SRGAP1: variants seen among roughly 807,000 people sequenced by gnomAD.
SRGAP1 encodes SLIT-ROBO Rho GTPase-activating protein 1.
SRGAP1 carries 43 observed loss-of-function variants against 121.9 expected under a neutral mutation model. That is an observed-to-expected ratio of 0.35 (90% CI 0.28 to 0.46). The LOEUF (loss-of-function observed/expected upper bound fraction) is 0.46, where lower values mean the gene tolerates loss of function less well. SRGAP1 is among the 20% of genes least tolerant of loss of function. SRGAP1 has a pLI of 1.00. For missense variants in SRGAP1, 1,102 were observed against 1,350.9 expected (o/e 0.82, Z 2.89); for synonymous variants, 447 against 485.4 (o/e 0.92, Z 1.04).
chr12:63,851,798 C>T (rs978918431), intron 1 of SRGAP1, among the ~76,000 whole-genome samples: 1 of 151,902 alleles, frequency 6.6e-6, no homozygotes, highest in Non-Finnish European at 1.5e-5. Flanking sequence ...AACTCCTGAC[C>T]TCAAGCAATC....
At chr12:63,918,966 A>G (rs967720451) in intron 1 of SRGAP1, among the ~76,000 whole-genome samples, 6 of 151,852 alleles carry the variant, frequency 4.0e-5, no homozygotes, top group Admixed American at 1.3e-4. Context: ...GACGTGTGCT[A>G]TAAAGACAAA....
chr12:64,111,763 C>T lies in SRGAP1; in HGVS notation c.1921C>T (p.Leu641=). Residue 641 remains leucine, a splice_region_variant and synonymous_variant, in exon 17 of 22, where the codon CTA becomes TTA. Coordinates refer to ENST00000355086, the MANE Select transcript of SRGAP1 (RefSeq NM_020762.4). The part of the protein sequence containing the change: ...MRYLFAFLNH[L]SQYSDENMMD... The stretch of plus-strand genomic sequence containing the variant: ...CTCCTTTCTTGTTTCCTTTTGTAGT[C>T]TATCACAGTACAGCGATGAGAATAT... 1 of 1,594,474 alleles carries T rather than the reference C, an allele frequency of 6.3e-7. No individual in the cohort carries two copies. The highest frequency in any genetic ancestry group is 8.6e-7 in the Non-Finnish European group (1 of 1,166,366).
chr12:63,952,496 T>G (rs957698229), intron 1 of SRGAP1, among the ~76,000 whole-genome samples: 4 of 151,902 alleles, frequency 2.6e-5, no homozygotes, highest in African/African-American at 9.7e-5. Flanking sequence ...GCCCAGGCAA[T>G]AGAGTAAGAC....
At chr12:64,109,755 C>T (rs1018732547) in intron 16 of SRGAP1, among the ~76,000 whole-genome samples, 2 of 152,188 alleles carry the variant, frequency 1.3e-5, no homozygotes, top group African/African-American at 4.8e-5. Context: ...ATTGAGTAAA[C>T]TTGGGGAAAT....
chr12:63,949,014 ATATATGTATT>A, intron 1 of SRGAP1, among the ~76,000 whole-genome samples: 1 of 138,080 alleles, frequency 7.2e-6, no homozygotes, highest in Admixed American at 7.4e-5. Flanking sequence ...ATATATATTC[ATATATGTATT>A]TTCCATATAT....
At chr12:63,973,071 C>T (rs1009337830) in intron 1 of SRGAP1, among the ~76,000 whole-genome samples, 1 of 152,108 alleles carries the variant, frequency 6.6e-6, no homozygotes, top group South Asian at 2.1e-4. Flanking sequence ...TTGCTTGAAC[C>T]CGGGAGGCGG....
intron 4 of SRGAP1, among the ~76,000 whole-genome samples, chr12:64,037,521 A>G (rs1430955348): frequency 5.3e-5 from 8 of 152,218 alleles, no homozygotes. Context: ...ACCAACACCT[A>G]TAGAATACAT....
chr12:63,957,769 T>C (rs1370284245), intron 1 of SRGAP1, among the ~76,000 whole-genome samples: 1 of 152,218 alleles, frequency 6.6e-6, no homozygotes, highest in Non-Finnish European at 1.5e-5. Flanking sequence ...TGCTTTTTAA[T>C]GTGTTCCTTT....
chr12:63,922,653 C>T (rs1033195773), intron 1 of SRGAP1, among the ~76,000 whole-genome samples: 3 of 152,226 alleles, frequency 2.0e-5, no homozygotes, highest in Admixed American at 2.0e-4. Flanking sequence ...CTTGTAGTTG[C>T]TCATGTTAGA....
chr12:63,880,157 G>A (rs191395907), intron 1 of SRGAP1, among the ~76,000 whole-genome samples: 1 of 152,142 alleles, frequency 6.6e-6, no homozygotes. Flanking sequence ...CATGTAAGAC[G>A]TTCCTTTTCT....
intron 9 of SRGAP1, among the ~76,000 whole-genome samples, chr12:64,079,958 T>C (rs1183450962): frequency 6.6e-6 from 1 of 152,036 alleles, no homozygotes; most frequent in Non-Finnish European, 1.5e-5. Flanking sequence ...AAATTAAAAA[T>C]TAGGCTGGGT....
chr12:64,097,117 A>G (rs2036170044), intron 14 of SRGAP1, 124 bp from the exon 15 acceptor site: 1 of 995,732 alleles, frequency 1.0e-6, no homozygotes, highest in South Asian at 2.5e-5. Flanking sequence ...GTACCATATA[A>G]TCTTTCATAA....
At chr12:64,107,351 G>A (rs2036361537) in intron 15 of SRGAP1, among the ~76,000 whole-genome samples, 1 of 152,160 alleles carries the variant, frequency 6.6e-6, no homozygotes, top group Non-Finnish European at 1.5e-5. Context: ...ATCTCCCCAA[G>A]TGAATCCAAG....
chr12:64,122,028 C>A (rs555506323), intron 18 of SRGAP1, among the ~76,000 whole-genome samples: 1 of 152,250 alleles, frequency 6.6e-6, no homozygotes, highest in South Asian at 2.1e-4. Flanking sequence ...AGAACAAAAC[C>A]ATTCTCTGCA....
At chr12:63,894,203 TTTTC>T (rs1321133768) in intron 1 of SRGAP1, among the ~76,000 whole-genome samples, 1 of 152,176 alleles carries the variant, frequency 6.6e-6, no homozygotes, top group African/African-American at 2.4e-5. Context: ...ACTCTGCTAT[TTTTC>T]TTTCTTTTTT....
In SRGAP1 at chr12:64,127,904, G is replaced by A. The variant is rs775046985; in HGVS notation, c.2584G>A (p.Gly862Ser). 4 of 1,614,048 alleles carry A rather than the reference G, an allele frequency of 2.5e-6. No individual in the cohort carries two copies. In the South Asian group the frequency reaches 3.3e-5, roughly 13 times the overall value. The change falls in exon 21 of 22, where the codon GGC becomes AGC. Residue 862 changes from glycine to serine, a missense_variant. By Grantham distance (56) the Gly-to-Ser change is moderately conservative. Around this residue, in one of 3 missense-constraint regions of SRGAP1, gnomAD observed 315 missense variants for 343.1 expected, o/e 0.92. Transcript: ENST00000355086. Reference protein sequence around the residue: ...GEPPPPVRRPGRTSDGHCPLH... With the variant: ...GEPPPPVRRPSRTSDGHCPLH... ...GCCACCCCCTCCAGTAAGGCGTCCT[G>A]GCAGGACCAGTGATGGCCATTGCCC...
chr12:63,932,513 C>A (rs2031515024), intron 1 of SRGAP1, among the ~76,000 whole-genome samples: 1 of 152,130 alleles, frequency 6.6e-6, no homozygotes, highest in Non-Finnish European at 1.5e-5. Context: ...GTATGCATGA[C>A]CGTCATATAG....
chr12:64,113,031 A>G (rs2036454978), intron 17 of SRGAP1, among the ~76,000 whole-genome samples: 2 of 151,996 alleles, frequency 1.3e-5, no homozygotes, highest in Non-Finnish European at 2.9e-5. Flanking sequence ...ATTTGAGCCC[A>G]GGAGTTTAAG....
chr12:64,068,272 CA>C (rs765189176), intron 8 of SRGAP1, among the ~76,000 whole-genome samples: 2 of 57,314 alleles, frequency 3.5e-5, no homozygotes, highest in African/African-American at 1.4e-4. Flanking sequence ...AACTCTGTCT[CA>C]AAAAAAAAAA....
Sources: gnomAD v4.1 joint callset for allele counts (sites outside exome capture counted in the v4.1 genomes callset) on GRCh38, gnomAD v4.1.1 for gene constraint, gnomAD v4.1.1 regional missense constraint, MANE v1.5 for transcripts, NCBI Gene and HGNC (gene_info 2026-07-23, HGNC 2026-07-21) for gene names.